Variants in PPP2R2B observed in about 807,000 individuals in gnomAD.
The protein encoded by PPP2R2B is serine/threonine-protein phosphatase 2A 55 kDa regulatory subunit B beta isoform.
In PPP2R2B, 5 loss-of-function variants were observed where a neutral mutation model predicts 46.0. That is an observed-to-expected ratio of 0.11 (90% CI 0.06 to 0.23). The LOEUF is 0.23. Among genes scored for constraint, PPP2R2B ranks in the 10% least tolerant of loss-of-function variants. The pLI, the probability that PPP2R2B is intolerant of heterozygous loss-of-function variation, is 1.00. For synonymous variants in PPP2R2B, 215 were observed against 206.7 expected, an observed-to-expected ratio of 1.04 and a Z score of -0.34; for missense variants, 367 against 575.0, an observed-to-expected ratio of 0.64 and a Z score of 3.70.
At chr5:146,933,661 C>CTT (rs972619031) in intron 1 of PPP2R2B, among the ~76,000 whole-genome samples, 1 of 140,220 alleles carries the variant, frequency 7.1e-6, no homozygotes, top group East Asian at 2.1e-4. Context: ...AACGGAAGTT[C>CTT]TTTTTTTTTT....
chr5:147,069,584 C>T (rs1411865772), intron 2 of PPP2R2B, among the ~76,000 whole-genome samples: 1 of 152,072 alleles, frequency 6.6e-6, no homozygotes, highest in Non-Finnish European at 1.5e-5. Flanking sequence ...GCCTGGATTG[C>T]TTCTGTCCAG....
exon 1 of PPP2R2B, chr5:147,055,966 G>T: frequency 7.3e-7 from 1 of 1,377,410 alleles, no homozygotes; most frequent in Non-Finnish European, 9.4e-7. Context: ...AAACTCAGAA[G>T]CCCCCAAGCA....
At position 146,638,376 on chromosome 5, in the gene PPP2R2B, G is replaced by A. The variant is rs199878645; in HGVS notation, c.665C>T (p.Thr222Met). 1.5e-4 allele frequency: 243 copies of A among 1,611,790 alleles called. 2 individuals carry two copies. In the East Asian group the frequency reaches 3.7e-3, roughly 24 times the overall value. The change falls in exon 7 of 10, where the codon ACG (threonine) becomes ATG (methionine). Residue 222 changes from threonine (T) to methionine (M), a missense_variant. Thr to Met is a moderately conservative substitution (Grantham distance 81). This residue lies in a region of PPP2R2B where 361 missense variants were observed against 545.5 expected (regional missense o/e 0.66). Transcript: ENST00000394411. The stretch of plus-strand genomic sequence containing the variant: ...GAACTCGGCTGCTGTGATCACCTCC[G>A]TGAGCTCCTCCATGTTGGCTGGCTT... Reference protein sequence around the residue: ...DIKPANMEELTEVITAAEFHP... With the variant: ...DIKPANMEELMEVITAAEFHP...
At chr5:146,886,338 CA>C (rs1762324257) in intron 1 of PPP2R2B, among the ~76,000 whole-genome samples, 1 of 60,030 alleles carries the variant, frequency 1.7e-5, no homozygotes, top group Non-Finnish European at 3.4e-5. Context: ...GACTCCGTCT[CA>C]AAAATAAATA....
intron 2 of PPP2R2B, among the ~76,000 whole-genome samples, chr5:146,855,134 T>C (rs1760578572): frequency 6.6e-6 from 1 of 152,046 alleles, no homozygotes. Flanking sequence ...CAATATTATA[T>C]TAGAATGCAC....
At position 146,587,090 on chromosome 5, in the gene PPP2R2B, C is replaced by T. The variant is rs561812596; in HGVS notation, c.*2857G>A. On this transcript the variant is annotated 3_prime_UTR_variant, in exon 10 of 10. Transcript: ENST00000394411. ...TAAAGTAGTATAGGGCCCTTAGAAT[C>T]GAACCAACTGTTGCAAGGTAGCAAA... 4.6e-5 allele frequency: 7 copies of T among 152,252 alleles called. No homozygotes were observed. Among genetic ancestry groups the T allele is most frequent in the Admixed American group, 2.0e-4 (3 of 15,296 alleles). The allele number at this position is 152,252 out of a possible 1,614,324, so 9.4% of individuals were successfully genotyped here.
intron 1 of PPP2R2B, among the ~76,000 whole-genome samples, chr5:146,971,949 A>G (rs948700730): frequency 6.6e-6 from 1 of 152,188 alleles, no homozygotes; most frequent in Admixed American, 6.5e-5. Context: ...AGCAACTAAC[A>G]TTAATATATT....
intron 1 of PPP2R2B, among the ~76,000 whole-genome samples, chr5:147,020,886 T>C (rs1050002352): frequency 3.3e-5 from 5 of 152,150 alleles, no homozygotes; most frequent in Non-Finnish European, 5.9e-5. Flanking sequence ...CTTAGGAAAG[T>C]ATTTTAGTTC....
In PPP2R2B at chr5:146,853,270, G is replaced by A. The variant is rs568318623; in HGVS notation, c.70+24732C>T. On this transcript the variant is annotated intron_variant, in intron 2 of 9. Coordinates refer to ENST00000394411, the MANE Select transcript of PPP2R2B (RefSeq NM_181675.4). Reference sequence around the variant, plus strand: ...GCAATCATTTTTACTTTTTATTCTGGACTAGCTACCAACCACGTGATTCAT... The same window carrying A: ...GCAATCATTTTTACTTTTTATTCTGAACTAGCTACCAACCACGTGATTCAT... Among the ~76,000 whole-genome samples the A allele has an allele frequency of 2.3e-3, 348 of 152,176 alleles. 1 individual carries two copies. The highest frequency in any genetic ancestry group is 8.1e-3 in the African/African-American group (337 of 41,540).
chr5:146,778,987 G>C (rs992567664), intron 2 of PPP2R2B, among the ~76,000 whole-genome samples: 1 of 152,202 alleles, frequency 6.6e-6, no homozygotes, highest in Admixed American at 6.5e-5. Context: ...GGGGGATCCA[G>C]TGTGGGGCAG....
intron 7 of PPP2R2B, among the ~76,000 whole-genome samples, chr5:146,620,336 A>G (rs1205719284): frequency 6.6e-6 from 1 of 152,194 alleles, no homozygotes; most frequent in African/African-American, 2.4e-5. Flanking sequence ...ATAATCATTT[A>G]TTAGCCAAGC....
At chr5:146,868,312 C>T (rs1417847412) in intron 2 of PPP2R2B, among the ~76,000 whole-genome samples, 2 of 152,204 alleles carry the variant, frequency 1.3e-5, no homozygotes, top group African/African-American at 4.8e-5. Context: ...CTTGGCTGCA[C>T]CAGAACCTTC....
intron 1 of PPP2R2B, among the ~76,000 whole-genome samples, chr5:146,923,108 A>G (rs1212515821): frequency 6.6e-6 from 1 of 152,196 alleles, no homozygotes; most frequent in African/African-American, 2.4e-5. Flanking sequence ...TTTCCGCTAC[A>G]TGAGAGTCTA....
At chr5:146,623,549 A>G (rs1773842943) in intron 7 of PPP2R2B, among the ~76,000 whole-genome samples, 1 of 152,090 alleles carries the variant, frequency 6.6e-6, no homozygotes, top group South Asian at 2.1e-4. Flanking sequence ...TGATGATTCT[A>G]TTTTTCTCAT....
intron 2 of PPP2R2B, among the ~76,000 whole-genome samples, chr5:146,802,374 G>A (rs1019655420): frequency 6.6e-6 from 1 of 152,106 alleles, no homozygotes; most frequent in African/African-American, 2.4e-5. Flanking sequence ...GAATACCTGA[G>A]GGCACTGCCT....
At chr5:146,948,163 G>A (rs551204380) in intron 1 of PPP2R2B, among the ~76,000 whole-genome samples, 2 of 152,124 alleles carry the variant, frequency 1.3e-5, no homozygotes, top group South Asian at 4.1e-4. Context: ...TCTCCCATGA[G>A]GCTTTAAGAC....
At chr5:146,999,504 G>A (rs2151867964) in intron 1 of PPP2R2B, among the ~76,000 whole-genome samples, 1 of 152,282 alleles carries the variant, frequency 6.6e-6, no homozygotes, top group East Asian at 1.9e-4. Flanking sequence ...TGAGATCTGG[G>A]TATTGGTCTT....
At chr5:147,062,300 T>C (rs1419973696) in intron 2 of PPP2R2B, among the ~76,000 whole-genome samples, 1 of 152,164 alleles carries the variant, frequency 6.6e-6, no homozygotes, top group African/African-American at 2.4e-5. Context: ...AATTGCCTAA[T>C]ATTACTCTTC....
At chr5:147,018,714 G>A (rs1313289646) in intron 1 of PPP2R2B, among the ~76,000 whole-genome samples, 1 of 152,104 alleles carries the variant, frequency 6.6e-6, no homozygotes, top group Non-Finnish European at 1.5e-5. Context: ...ACCCCTTGCA[G>A]GAGAACAAGG....
Sources: allele counts gnomAD v4.1 joint callset (sites outside exome capture counted in the v4.1 genomes callset), GRCh38; gene constraint gnomAD v4.1.1; regional missense constraint gnomAD v4.1.1; transcripts MANE v1.5; gene names NCBI Gene and HGNC (gene_info 2026-07-23, HGNC 2026-07-21).